The following TRAPPC11 variants were observed in gnomAD, a reference collection of about 807,000 sequenced individuals.
TRAPPC11 encodes the protein trafficking protein particle complex subunit 11, also known as foie gras homolog.
In TRAPPC11, 104 loss-of-function variants were observed where a neutral mutation model predicts 151.2. The ratio of observed to expected loss-of-function variants is 0.69; its 90% CI spans 0.59 to 0.81. TRAPPC11 has a LOEUF of 0.81. Ranked by LOEUF, TRAPPC11 falls within the 30% of genes least tolerant of loss-of-function variation. The pLI is 0.00. For missense variants in TRAPPC11, 1,230 were observed against 1,349.6 expected (o/e 0.91, Z 1.39); for synonymous variants, 456 against 472.3 (o/e 0.97, Z 0.45).
intron 5 of TRAPPC11, among the ~76,000 whole-genome samples, chr4:183,672,617 G>A (rs1243162891): frequency 2.6e-5 from 4 of 152,156 alleles, no homozygotes; most frequent in South Asian, 4.1e-4. Context: ...GCTCTATCCC[G>A]TGATGTCTCT....
At chr4:183,663,284 A>C (rs912251313) in intron 1 of TRAPPC11, among the ~76,000 whole-genome samples, 1 of 152,004 alleles carries the variant, frequency 6.6e-6, no homozygotes, top group Non-Finnish European at 1.5e-5. Flanking sequence ...TCCAGGCTAG[A>C]GTGCAGTGGC....
chr4:183,690,485 A>T (rs547631098), intron 18 of TRAPPC11, among the ~76,000 whole-genome samples: 17 of 152,308 alleles, frequency 1.1e-4, no homozygotes, highest in Non-Finnish European at 2.5e-4. Context: ...TCACTTTGGG[A>T]CGTGCTGAGT....
Position 183,701,729 on chromosome 4 carries a change from T to C in TRAPPC11, c.2884T>C (p.Cys962Arg). The change falls in exon 26 of 30, where the codon TGC becomes CGC. Residue 962 changes from cysteine to arginine, a missense_variant. Cys to Arg is a radical substitution (Grantham distance 180). Coordinates refer to ENST00000334690, the MANE Select transcript of TRAPPC11 (RefSeq NM_021942.6). ...ACAGACTGGAGAGAGTGCTAGTGAA[T>C]GCTTTTGTCTTCAATGCCCATCTCT... ...ILQTGESASECFCLQCPSLGN... is the reference protein window; with the variant it reads ...ILQTGESASERFCLQCPSLGN... 6.2e-7 allele frequency: 1 copy of C among 1,613,992 alleles called. No homozygotes were observed. Among genetic ancestry groups the C allele is most frequent in the Non-Finnish European group, 8.5e-7 (1 of 1,179,884 alleles).
intron 5 of TRAPPC11, among the ~76,000 whole-genome samples, chr4:183,671,054 C>G (rs1735129854): frequency 6.6e-6 from 1 of 152,054 alleles, no homozygotes; most frequent in Non-Finnish European, 1.5e-5. Context: ...TTAGTAGAGT[C>G]AGGGTTTTAC....
In TRAPPC11 at chr4:183,685,445, C is replaced by T; in HGVS notation, c.1762+42C>T. The stretch of plus-strand genomic sequence containing the variant: ...TACAGTACTATTTCAGAGAAATTGT[C>T]TTATTTCTACAAAATGAATAGGTGC... On this transcript the variant is annotated intron_variant, in intron 17 of 29. Coordinates refer to ENST00000334690, the MANE Select transcript of TRAPPC11 (RefSeq NM_021942.6). The T allele has an allele frequency of 2.5e-6, 4 of 1,574,414 alleles. No individual in the cohort carries two copies. The South Asian group carries it at 4.5e-5, about 18-fold the overall frequency.
At position 183,695,138 on chromosome 4, in the gene TRAPPC11, C is replaced by CG. The variant is rs766374872; in HGVS notation, c.2628+419dup. On this transcript the variant is annotated intron_variant, in intron 23 of 29. Transcript: ENST00000334690. ...TAATTTTTTGTATTTTTAGTAGATA[C>CG]GGGGTTTCTCCATGTTGGTCAGGCT... 4.2e-4 allele frequency among the ~76,000 whole-genome samples: 64 copies of CG among 151,950 alleles called. 1 individual carries two copies. The highest frequency in any genetic ancestry group is 7.2e-4 in the Admixed American group (11 of 15,260).
chr4:183,660,313 C>T (rs1321016863), intron 1 of TRAPPC11, among the ~76,000 whole-genome samples: 2 of 152,176 alleles, frequency 1.3e-5, no homozygotes, highest in Non-Finnish European at 2.9e-5. Flanking sequence ...CTACATCAGG[C>T]ATTTGAAATA....
chr4:183,693,545 G>A (rs1323899078), intron 20 of TRAPPC11, 44 bp from the exon 21 acceptor site: 5 of 1,554,820 alleles, frequency 3.2e-6, no homozygotes, highest in African/African-American at 1.4e-5. Context: ...TAATTTATTT[G>A]CTTTTTTTTT....
At chr4:183,672,482 T>C (rs1164561899) in intron 5 of TRAPPC11, among the ~76,000 whole-genome samples, 1 of 152,264 alleles carries the variant, frequency 6.6e-6, no homozygotes, top group Non-Finnish European at 1.5e-5. Flanking sequence ...AACAGCCTTA[T>C]GTCTTGACTA....
chr4:183,661,619 C>T (rs1175052942), intron 1 of TRAPPC11, among the ~76,000 whole-genome samples: 1 of 152,080 alleles, frequency 6.6e-6, no homozygotes, highest in Non-Finnish European at 1.5e-5. Context: ...GATCCGCCCG[C>T]CTCGGCCTCC....
intron 29 of TRAPPC11, among the ~76,000 whole-genome samples, chr4:183,709,501 C>T (rs372933369): frequency 3.0e-4 from 46 of 152,280 alleles, no homozygotes; most frequent in African/African-American, 9.9e-4. Flanking sequence ...AGAGGCCTGG[C>T]GCAGTGGCTC....
chr4:183,700,107 C>T (rs1007064489), intron 25 of TRAPPC11, among the ~76,000 whole-genome samples: 1 of 152,110 alleles, frequency 6.6e-6, no homozygotes, highest in Non-Finnish European at 1.5e-5. Context: ...CCACCACGCC[C>T]AGCCAATGTT....
chr4:183,693,054 A>G lies in TRAPPC11; in HGVS notation c.2144A>G (p.Glu715Gly). 6.2e-7 allele frequency: 1 copy of G among 1,613,902 alleles called. No individual in the cohort carries two copies. The highest frequency in any genetic ancestry group is 8.5e-7 in the Non-Finnish European group (1 of 1,179,894). The change falls in exon 20 of 30, where the codon GAA becomes GGA. Residue 715 changes from glutamate (E) to glycine (G), a missense_variant. Transcript: ENST00000334690. ...GGGGDAASSQ[E>G]ALQAARSFKR... The stretch of plus-strand genomic sequence containing the variant: ...GGAGGAGATGCTGCTTCCTCCCAAG[A>G]AGCCTTACAGGCAGCTCGGTCTTTC...
intron 10 of TRAPPC11, among the ~76,000 whole-genome samples, chr4:183,680,753 C>T (rs1561040610): frequency 1.5e-5 from 2 of 136,118 alleles, no homozygotes; most frequent in South Asian, 2.3e-4. Context: ...GGTGCAGTCT[C>T]GGCTTACTGC....
intron 8 of TRAPPC11, among the ~76,000 whole-genome samples, chr4:183,679,003 A>C (rs1289922741): frequency 3.9e-5 from 6 of 152,204 alleles, no homozygotes. Context: ...TAAAACTGAA[A>C]ATTGATCTAT....
At chr4:183,669,415 A>G (rs1735036421) in intron 5 of TRAPPC11, among the ~76,000 whole-genome samples, 1 of 151,882 alleles carries the variant, frequency 6.6e-6, no homozygotes, top group South Asian at 2.1e-4. Context: ...CTCACCATTG[A>G]CTCTGCACTT....
intron 2 of TRAPPC11, among the ~76,000 whole-genome samples, chr4:183,665,256 A>G (rs139827577): frequency 0.13 from 19,295 of 151,578 alleles, 1,436 homozygotes; most frequent in Admixed American, 0.16. Flanking sequence ...CACCACGTCC[A>G]GCTAATTTTC....
intron 22 of TRAPPC11, 75 bp downstream of exon 22, chr4:183,694,113 G>T: frequency 6.6e-7 from 1 of 1,507,382 alleles, no homozygotes; most frequent in Non-Finnish European, 9.1e-7. Flanking sequence ...GTTTTTAACA[G>T]TTCAGAGCGT....
At position 183,684,126 on chromosome 4, in the gene TRAPPC11, A is replaced by G; in HGVS notation, c.1288-19A>G. On this transcript the variant is annotated intron_variant, in intron 12 of 29. Coordinates refer to ENST00000334690, the MANE Select transcript of TRAPPC11 (RefSeq NM_021942.6). Reference sequence around the variant, plus strand: ...AAATATTTGTATTGAAATGTTTCACACTCTACTTTTTCTAATAGGAGATAA... The same window carrying G: ...AAATATTTGTATTGAAATGTTTCACGCTCTACTTTTTCTAATAGGAGATAA... 1 of 1,609,804 alleles carries G rather than the reference A, an allele frequency of 6.2e-7. No homozygotes were observed. Among genetic ancestry groups the G allele is most frequent in the Non-Finnish European group, 8.5e-7 (1 of 1,176,392 alleles).
Sources: gnomAD v4.1 joint callset for allele counts (sites outside exome capture counted in the v4.1 genomes callset) on GRCh38, gnomAD v4.1.1 for gene constraint, MANE v1.5 for transcripts, NCBI Gene and HGNC (gene_info 2026-07-23, HGNC 2026-07-21) for gene names.